Variants in NCAM1 observed in about 807,000 individuals in gnomAD.
NCAM1 encodes antigen recognized by monoclonal antibody 5.1H11.
Under a neutral mutation model 109.8 loss-of-function variants are expected in NCAM1, and 14 were observed. The observed-to-expected ratio is 0.13, with a 90% CI of 0.08 to 0.20. NCAM1 has a LOEUF of 0.20. Among genes scored for constraint, NCAM1 ranks in the 10% least tolerant of loss-of-function variants. The pLI is 1.00. For missense variants in NCAM1, 774 were observed against 1,109.9 expected (o/e 0.70, Z 4.30); for synonymous variants, 418 against 442.9 (o/e 0.94, Z 0.70).
rs1481435464 is a variant in NCAM1 at position 113,277,940 on chromosome 11, TAA to T, written c.*2554_*2555del. ...TTCCAAGATGTTTTATCTTTTATGT[TAA>T]GAGATCAAAGCTTATAATTTTCTTT... is the stretch of plus-strand genomic sequence containing the variant. On this transcript the variant is annotated 3_prime_UTR_variant, in exon 20 of 20. Coordinates refer to ENST00000316851, the MANE Select transcript of NCAM1 (RefSeq NM_181351.5). The T allele has an allele frequency of 6.6e-6, 1 of 152,052 alleles. No individual in the cohort carries two copies. Among genetic ancestry groups the T allele is most frequent in the African/African-American group, 2.4e-5 (1 of 41,350 alleles). 9.4% of individuals were successfully genotyped at this position (152,052 alleles called of 1,614,324 possible). A position where few individuals can be genotyped will look rare whatever the true frequency, so the allele number is the denominator to read the frequency against.
At chr11:113,149,403 A>G (rs941782459) in intron 1 of NCAM1, among the ~76,000 whole-genome samples, 4 of 152,234 alleles carry the variant, frequency 2.6e-5, no homozygotes, top group Admixed American at 6.5e-5. Flanking sequence ...AACCATTATA[A>G]TAATCCAAAT....
chr11:113,250,700 T>G (rs2137509504), intron 15 of NCAM1, among the ~76,000 whole-genome samples: 1 of 152,352 alleles, frequency 6.6e-6, no homozygotes, highest in East Asian at 1.9e-4. Flanking sequence ...AGCCCCACAT[T>G]TATCACAGGT....
chr11:113,014,708 G>A (rs543775462), intron 1 of NCAM1, among the ~76,000 whole-genome samples: 74 of 152,350 alleles, frequency 4.9e-4, no homozygotes, highest in African/African-American at 1.5e-3. Flanking sequence ...TGTCTCCATA[G>A]TATTGGAAAT....
At chr11:113,262,134 C>T (rs1946022858) in intron 17 of NCAM1, among the ~76,000 whole-genome samples, 1 of 152,146 alleles carries the variant, frequency 6.6e-6, no homozygotes, top group African/African-American at 2.4e-5. Flanking sequence ...CTCTGAATTA[C>T]AAGTTGGACA....
Position 113,207,942 on chromosome 11 carries a change from A to C in NCAM1, c.856A>C (p.Ile286Leu). The C allele has an allele frequency of 3.1e-6, 5 of 1,612,676 alleles. No individual in the cohort carries two copies. Among genetic ancestry groups the C allele is most frequent in the Non-Finnish European group, 2.5e-6 (3 of 1,179,392 alleles). Residue 286 changes from isoleucine (I) to leucine (L), a missense_variant, in exon 7 of 20, where the codon ATC becomes CTC. Ile to Leu is a conservative substitution (Grantham distance 5). Around this residue, in one of 4 missense-constraint regions of NCAM1, gnomAD observed 523 missense variants for 784.2 expected, o/e 0.67. Coordinates refer to ENST00000316851, the MANE Select transcript of NCAM1 (RefSeq NM_181351.5). ...KVDKNDEAEY[I>L]CIAENKAGEQ... The stretch of plus-strand genomic sequence containing the variant: ...GGATAAGAACGACGAGGCTGAGTAC[A>C]TCTGCATTGCTGAGAACAAGGCTGG...
At chr11:113,187,371 C>A (rs7928540) in intron 1 of NCAM1, among the ~76,000 whole-genome samples, 3,965 of 152,202 alleles carry the variant, frequency 0.026, 164 homozygotes, top group African/African-American at 0.09. Flanking sequence ...AGAGGGTAAG[C>A]AGTCTTTGAT....
chr11:113,143,630 G>A (rs556108645), intron 1 of NCAM1, among the ~76,000 whole-genome samples: 23 of 152,276 alleles, frequency 1.5e-4, no homozygotes, highest in African/African-American at 5.5e-4. Flanking sequence ...TATGATATAA[G>A]TGACAGGAAA....
intron 1 of NCAM1, among the ~76,000 whole-genome samples, chr11:113,150,589 C>T (rs1275391241): frequency 6.6e-6 from 1 of 152,146 alleles, no homozygotes; most frequent in African/African-American, 2.4e-5. Context: ...CCTTTCCCTG[C>T]CATTAAGAAA....
intron 1 of NCAM1, among the ~76,000 whole-genome samples, chr11:113,037,129 C>G (rs1324734789): frequency 5.3e-5 from 8 of 152,162 alleles, no homozygotes; most frequent in Non-Finnish European, 1.2e-4. Context: ...AGAATTAACA[C>G]CCACATCAAA....
chr11:113,187,138 T>C, intron 1 of NCAM1, among the ~76,000 whole-genome samples: 1 of 152,232 alleles, frequency 6.6e-6, no homozygotes, highest in East Asian at 1.9e-4. Flanking sequence ...GGCTTTTTGC[T>C]AAGATGCAAA....
chr11:113,064,936 A>T (rs1232125541), intron 1 of NCAM1, among the ~76,000 whole-genome samples: 1 of 152,196 alleles, frequency 6.6e-6, no homozygotes, highest in Non-Finnish European at 1.5e-5. Context: ...ATTTCTTTCC[A>T]GCTGAGAGGG....
At chr11:113,164,468 A>G (rs896184984) in intron 1 of NCAM1, among the ~76,000 whole-genome samples, 3 of 152,154 alleles carry the variant, frequency 2.0e-5, no homozygotes, top group African/African-American at 7.2e-5. Flanking sequence ...TTCAGTCGCA[A>G]GTCCCAGGTT....
chr11:113,077,879 G>T lies in NCAM1; in HGVS notation c.52+116215G>T, dbSNP rs993683981. Among the ~76,000 whole-genome samples the T allele has an allele frequency of 3.3e-5, 5 of 151,964 alleles. No individual in the cohort carries two copies. In the South Asian group the frequency reaches 8.3e-4, roughly 25 times the overall value. Reference sequence around the variant, plus strand: ...TTTTTGTATTTTTAGTAGAGACAGGGTTTCATCATGTTAGTCAGGCTGGTC... The same window carrying T: ...TTTTTGTATTTTTAGTAGAGACAGGTTTTCATCATGTTAGTCAGGCTGGTC... On this transcript the variant is annotated intron_variant, in intron 1 of 19. Transcript: ENST00000316851.
intron 1 of NCAM1, among the ~76,000 whole-genome samples, chr11:113,009,531 CA>C (rs1312544810): frequency 2.0e-5 from 3 of 151,682 alleles, no homozygotes; most frequent in Non-Finnish European, 4.4e-5. Context: ...CCCTGTTGCC[CA>C]GGTTGGTAAT....
intron 1 of NCAM1, among the ~76,000 whole-genome samples, chr11:113,137,970 C>CA (rs1350312996): frequency 6.6e-6 from 1 of 151,280 alleles, no homozygotes; most frequent in East Asian, 1.9e-4. Context: ...GGGAGCCAAA[C>CA]AAAAAATGCA....
chr11:113,135,233 G>C (rs1941554888), intron 1 of NCAM1, among the ~76,000 whole-genome samples: 1 of 152,082 alleles, frequency 6.6e-6, no homozygotes, highest in South Asian at 2.1e-4. Context: ...GGCAGAGTTG[G>C]GGTTCACCTT....
chr11:113,158,384 C>T (rs937958779), intron 1 of NCAM1, among the ~76,000 whole-genome samples: 4 of 152,170 alleles, frequency 2.6e-5, no homozygotes, highest in Admixed American at 6.5e-5. Flanking sequence ...CCATGAAAAA[C>T]GTGGCTAGTT....
At position 113,231,798 on chromosome 11, in the gene NCAM1, A is replaced by G; in HGVS notation, c.1240+3A>G. 1 of 1,613,932 alleles carries G rather than the reference A, an allele frequency of 6.2e-7. No homozygotes were observed. Among genetic ancestry groups the G allele is most frequent in the Non-Finnish European group, 8.5e-7 (1 of 1,179,860 alleles). ...GTCCATGTACCTTGAAGTGCAATGT[A>G]AGGAATAAATGGGGAAGGACCTGGG... On this transcript the variant is annotated splice_donor_region_variant and intron_variant, in intron 10 of 19. Coordinates refer to ENST00000316851, the MANE Select transcript of NCAM1 (RefSeq NM_181351.5).
intron 1 of NCAM1, among the ~76,000 whole-genome samples, chr11:113,195,910 G>GGTGTGTGTGTGTGT (rs58873545): frequency 6.7e-6 from 1 of 148,400 alleles, no homozygotes; most frequent in African/African-American, 2.5e-5. Context: ...TTGTTTGCAG[G>GGTGTGTGTGTGTGT]GTGTGTGTGT....
Sources: allele counts gnomAD v4.1 joint callset (sites outside exome capture counted in the v4.1 genomes callset), GRCh38; gene constraint gnomAD v4.1.1; regional missense constraint gnomAD v4.1.1; transcripts MANE v1.5; gene names NCBI Gene and HGNC (gene_info 2026-07-23, HGNC 2026-07-21).